Variants in TUBA1C observed in about 807,000 individuals in gnomAD.
TUBA1C encodes tubulin alpha 1c.
A neutral mutation model predicts 34.9 loss-of-function variants in TUBA1C; 16 were observed. The ratio of observed to expected loss-of-function variants is 0.46; its 90% CI spans 0.31 to 0.70. The LOEUF is 0.70. Among genes scored for constraint, TUBA1C ranks in the 30% least tolerant of loss-of-function variants. The pLI is 0.05. For missense variants in TUBA1C, 329 were observed against 587.3 expected, an observed-to-expected ratio of 0.56 and a Z score of 4.55; for synonymous variants, 177 against 215.9, an observed-to-expected ratio of 0.82 and a Z score of 1.58.
At chr12:49,231,956 T>C (rs1942502274) in intron 1 of TUBA1C, among the ~76,000 whole-genome samples, 1 of 152,246 alleles carries the variant, frequency 6.6e-6, no homozygotes, top group Non-Finnish European at 1.5e-5. Context: ...CTATAGAACC[T>C]GAGCCATTAG....
At position 49,265,096 on chromosome 12, in the gene TUBA1C, G is replaced by T; in HGVS notation, c.-86G>T. Reference sequence around the variant, plus strand: ...GCCACCCTTTCACTACTTCTCCCCCGGACTCCTTGGTAGTCTGTTAGTGGG... The same window carrying T: ...GCCACCCTTTCACTACTTCTCCCCCTGACTCCTTGGTAGTCTGTTAGTGGG... On this transcript the variant is annotated 5_prime_UTR_variant, in exon 1 of 4. Coordinates refer to ENST00000301072, the MANE Select transcript of TUBA1C (RefSeq NM_032704.5). The T allele has an allele frequency of 1.3e-6, 2 of 1,493,204 alleles. No homozygotes were observed. Among genetic ancestry groups the T allele is most frequent in the South Asian group, 1.4e-5 (1 of 73,340 alleles). The allele number at this position is 1,493,204 out of a possible 1,614,324, so 92.5% of individuals were successfully genotyped here.
chr12:49,271,400 C>T (rs1942989947), intron 3 of TUBA1C, among the ~76,000 whole-genome samples: 4 of 152,154 alleles, frequency 2.6e-5, no homozygotes, highest in Admixed American at 2.6e-4. Flanking sequence ...AACCTGAGGT[C>T]TCATGGAATT....
At chr12:49,239,638 C>T (rs111709938) in intron 1 of TUBA1C, among the ~76,000 whole-genome samples, 1 of 147,296 alleles carries the variant, frequency 6.8e-6, no homozygotes, top group African/African-American at 2.5e-5. Context: ...AAGACTCTGT[C>T]TCAAAAAGAA....
intron 1 of TUBA1C, chr12:49,257,967 T>C: frequency 6.1e-6 from 1 of 163,922 alleles, no homozygotes; most frequent in South Asian, 1.1e-4. Flanking sequence ...CCAGTGATCC[T>C]CCTGCCTCAG....
chr12:49,246,163 C>A (rs1172723425), intron 1 of TUBA1C, among the ~76,000 whole-genome samples: 1 of 151,306 alleles, frequency 6.6e-6, no homozygotes, highest in Admixed American at 6.6e-5. Flanking sequence ...GCCTCAGCCT[C>A]CCAAAGTGAT....
chr12:49,265,069 C>A, upstream of TUBA1C: 2 of 1,382,172 alleles, frequency 1.4e-6, no homozygotes, highest in East Asian at 2.7e-5. Flanking sequence ...CCTTCGGGGC[C>A]GGCCACCCTT....
chr12:49,243,315 C>T (rs1358764258), intron 1 of TUBA1C, among the ~76,000 whole-genome samples: 1 of 152,070 alleles, frequency 6.6e-6, no homozygotes, highest in Non-Finnish European at 1.5e-5. Flanking sequence ...GTGGCGCGCG[C>T]CTGGAGTCCC....
At chr12:49,257,279 A>C (rs1942794409) in intron 1 of TUBA1C, among the ~76,000 whole-genome samples, 1 of 152,118 alleles carries the variant, frequency 6.6e-6, no homozygotes, top group African/African-American at 2.4e-5. Context: ...ACCTCAGGGC[A>C]GTTCCCAAAG....
chr12:49,246,495 C>T (rs1001475259), intron 1 of TUBA1C, among the ~76,000 whole-genome samples: 4 of 151,016 alleles, frequency 2.6e-5, no homozygotes, highest in African/African-American at 9.7e-5. Context: ...CTGGCTAACA[C>T]GGTGAAACCC....
intron 1 of TUBA1C, among the ~76,000 whole-genome samples, chr12:49,246,878 T>G (rs905306559): frequency 3.3e-5 from 5 of 151,440 alleles, no homozygotes; most frequent in African/African-American, 9.7e-5. Context: ...GCACAGTGGC[T>G]CACAGTGACC....
At chr12:49,243,472 T>C (rs1004857052) in intron 1 of TUBA1C, among the ~76,000 whole-genome samples, 1 of 152,082 alleles carries the variant, frequency 6.6e-6, no homozygotes, top group Non-Finnish European at 1.5e-5. Flanking sequence ...TGCTACCCTG[T>C]GAGTGCTTCT....
intron 1 of TUBA1C, among the ~76,000 whole-genome samples, chr12:49,266,464 C>G (rs879591233): frequency 6.6e-6 from 1 of 151,904 alleles, no homozygotes; most frequent in African/African-American, 2.4e-5. Context: ...CCAGAGTAAA[C>G]TAGTACCACG....
At chr12:49,253,374 G>A (rs950651515) in intron 1 of TUBA1C, among the ~76,000 whole-genome samples, 6 of 152,130 alleles carry the variant, frequency 3.9e-5, no homozygotes, top group Non-Finnish European at 7.3e-5. Flanking sequence ...AGGATGTAGC[G>A]GAATAGAGGA....
chr12:49,257,009 G>A (rs1037252586), intron 1 of TUBA1C, among the ~76,000 whole-genome samples: 19 of 151,820 alleles, frequency 1.3e-4, no homozygotes, highest in South Asian at 4.2e-4. Context: ...ATGAAACCCC[G>A]TCTCTACTAA....
At chr12:49,262,550 C>A (rs1942851962), upstream of TUBA1C, among the ~76,000 whole-genome samples, 1 of 151,748 alleles carries the variant, frequency 6.6e-6, no homozygotes, top group Admixed American at 6.6e-5. Context: ...GAGGCTGAGC[C>A]TGGTGGATCA....
intron 1 of TUBA1C, among the ~76,000 whole-genome samples, chr12:49,239,163 G>A (rs1257211003): frequency 2.6e-5 from 4 of 152,122 alleles, no homozygotes; most frequent in Admixed American, 2.0e-4. Flanking sequence ...ACAAAAGATT[G>A]TCTGTCTTCC....
intron 1 of TUBA1C, among the ~76,000 whole-genome samples, chr12:49,257,155 A>C (rs1942793145): frequency 6.6e-6 from 1 of 151,556 alleles, no homozygotes; most frequent in South Asian, 2.1e-4. Flanking sequence ...ATCTCAAAAA[A>C]AAAAAAAAAA....
intron 1 of TUBA1C, among the ~76,000 whole-genome samples, chr12:49,242,672 C>G (rs1197751320): frequency 6.6e-6 from 1 of 151,380 alleles, no homozygotes; most frequent in African/African-American, 2.4e-5. Flanking sequence ...GTTATTTATA[C>G]AGACAGGGTC....
upstream of TUBA1C, among the ~76,000 whole-genome samples, chr12:49,264,239 A>C (rs939039647): frequency 3.0e-4 from 46 of 152,030 alleles, no homozygotes; most frequent in Non-Finnish European, 5.6e-4. Flanking sequence ...AAAAAAGCCA[A>C]CTACTCTGCA....
Sources: gnomAD v4.1 joint callset for allele counts (sites outside exome capture counted in the v4.1 genomes callset) on GRCh38, gnomAD v4.1.1 for gene constraint, MANE v1.5 for transcripts, NCBI Gene and HGNC (gene_info 2026-07-23, HGNC 2026-07-21) for gene names.